FOCAD: variants seen among roughly 807,000 people sequenced by gnomAD.
FOCAD encodes KIAA1797.
In FOCAD, 198 loss-of-function variants were observed where a neutral mutation model predicts 225.6. That is an observed-to-expected ratio of 0.88 (90% CI 0.78 to 0.99). FOCAD has a LOEUF of 0.99. FOCAD is among the 50% of genes least tolerant of loss of function. The pLI is 0.00. For synonymous variants in FOCAD, 897 were observed against 755.0 expected, an observed-to-expected ratio of 1.19 and a Z score of -3.08; for missense variants, 2,713 against 2,123.6, an observed-to-expected ratio of 1.28 and a Z score of -5.46.
intron 41 of FOCAD, among the ~76,000 whole-genome samples, chr9:20,989,606 C>A (rs1252538866): frequency 6.6e-6 from 1 of 152,232 alleles, no homozygotes; most frequent in East Asian, 1.9e-4. Context: ...ATTTCTTGTG[C>A]TCAAGAGTTC....
In FOCAD at chr9:20,986,275, T is replaced by TTTTTTTTTTTTTTTTTTTTTTTTTTTTG. The variant is rs1841154209; in HGVS notation, c.4729-5_4729-4insTTTTTTTTTTTTTTTTTTTGTTTTTTTT. 3 of 1,318,668 alleles carry TTTTTTTTTTTTTTTTTTTTTTTTTTTTG rather than the reference T, an allele frequency of 2.3e-6. 1 individual carries two copies. The highest frequency in any genetic ancestry group is 5.5e-5 in the Admixed American group (2 of 36,194). 81.7% of individuals were successfully genotyped at this position (1,318,668 alleles called of 1,614,324 possible). On this transcript the variant is annotated splice_polypyrimidine_tract_variant and intron_variant, in intron 39 of 43. Coordinates refer to ENST00000338382, the MANE Select transcript of FOCAD (RefSeq NM_001375567.1). ...TAATAGTAACTAAACAATTTTTTTT[T>TTTTTTTTTTTTTTTTTTTTTTTTTTTTG]TTTTTTTTGCAGAGCAACATAGAAA...
At chr9:20,725,762 T>A (rs1394391632) in intron 4 of FOCAD, among the ~76,000 whole-genome samples, 1 of 152,182 alleles carries the variant, frequency 6.6e-6, no homozygotes, top group Non-Finnish European at 1.5e-5. Flanking sequence ...ACATTTGCAA[T>A]GATCTGGTTG....
At chr9:20,713,541 T>G (rs1322878352) in intron 1 of FOCAD, among the ~76,000 whole-genome samples, 3 of 152,202 alleles carry the variant, frequency 2.0e-5, no homozygotes, top group Non-Finnish European at 4.4e-5. Context: ...GCACTTACCA[T>G]CTTCTAACAT....
intron 11 of FOCAD, among the ~76,000 whole-genome samples, chr9:20,799,824 A>G (rs967516621): frequency 1.3e-5 from 2 of 152,086 alleles, no homozygotes; most frequent in Admixed American, 6.5e-5. Context: ...GTGTCTTTTA[A>G]TTGGAGCATT....
chr9:20,761,696 AG>A (rs2130925198), intron 6 of FOCAD, among the ~76,000 whole-genome samples: 1 of 152,252 alleles, frequency 6.6e-6, no homozygotes, highest in South Asian at 2.1e-4. Context: ...CTGGGATTAC[AG>A]GTGTGAGCCA....
intron 6 of FOCAD, among the ~76,000 whole-genome samples, chr9:20,761,480 G>C (rs1829592121): frequency 6.6e-6 from 1 of 152,012 alleles, no homozygotes; most frequent in South Asian, 2.1e-4. Context: ...GAGTGCAGTG[G>C]TGCAATCTCG....
At chr9:20,952,722 G>A (rs1405885459) in intron 34 of FOCAD, among the ~76,000 whole-genome samples, 5 of 151,942 alleles carry the variant, frequency 3.3e-5, no homozygotes, top group South Asian at 2.1e-4. Flanking sequence ...CTTCACTCAA[G>A]TGTTCATCCT....
At chr9:20,866,609 A>G (rs1195446809) in intron 17 of FOCAD, among the ~76,000 whole-genome samples, 2 of 152,024 alleles carry the variant, frequency 1.3e-5, no homozygotes, top group Non-Finnish European at 2.9e-5. Flanking sequence ...TTAATTGGGC[A>G]TATTCTCCAG....
In FOCAD at chr9:20,866,917, T is replaced by TTTTTTTTTTTAAAAAAAAAA; in HGVS notation, c.2107-12_2107-11insTTTTTTTTTTAAAAAAAAAA. 1 of 764,972 alleles carries TTTTTTTTTTTAAAAAAAAAA rather than the reference T, an allele frequency of 1.3e-6. No individual in the cohort carries two copies. The highest frequency in any genetic ancestry group is 2.0e-6 in the Non-Finnish European group (1 of 498,468). The allele number at this position is 764,972 out of a possible 1,614,324, so 47.4% of individuals were successfully genotyped here. A position where few individuals can be genotyped will look rare whatever the true frequency, so the allele number is the denominator to read the frequency against. ...TTTTTTTTTTTTTTTTTTTTTTTTT[T>TTTTTTTTTTTAAAAAAAAAA]ACCCTATCTAGGACCCAATTGTAGC... is the stretch of plus-strand genomic sequence containing the variant. On this transcript the variant is annotated splice_polypyrimidine_tract_variant and intron_variant, in intron 17 of 43. Transcript: ENST00000338382.
At chr9:20,899,464 C>T (rs753802706) in intron 21 of FOCAD, among the ~76,000 whole-genome samples, 70 of 152,052 alleles carry the variant, frequency 4.6e-4, no homozygotes, top group Middle Eastern at 3.4e-3. Context: ...GCCTGTCTGT[C>T]TCTCCAACTT....
At chr9:20,797,935 G>A (rs1821316816) in intron 11 of FOCAD, among the ~76,000 whole-genome samples, 1 of 152,180 alleles carries the variant, frequency 6.6e-6, no homozygotes, top group Admixed American at 6.5e-5. Context: ...GGTTTTCAAA[G>A]GGAATGCTTC....
Position 20,993,306 on chromosome 9 carries a change from A to G in FOCAD, c.5310A>G (p.Ala1770=). The change falls in exon 43 of 44, where the codon GCA becomes GCG. Residue 1770 remains alanine (A), a synonymous_variant. Coordinates refer to ENST00000338382, the MANE Select transcript of FOCAD (RefSeq NM_001375567.1). ...AAAGCCCTAAAGAAGCCCTCTCAGC[A>G]CAGTCCAGGGATCTTTTGAAAGGTA... ...IMESPKEALS[A]QSRDLLKATL... 2 of 1,613,950 alleles carry G rather than the reference A, an allele frequency of 1.2e-6. No individual in the cohort carries two copies. The highest frequency in any genetic ancestry group is 1.7e-6 in the Non-Finnish European group (2 of 1,179,862).
At chr9:20,658,289 G>A (rs375695492), upstream of FOCAD, 2 of 158,928 alleles carry the variant, frequency 1.3e-5, no homozygotes, top group Non-Finnish European at 2.7e-5. Context: ...GCCTCCTTGA[G>A]CTGTGGTGGG....
intron 2 of FOCAD, among the ~76,000 whole-genome samples, chr9:20,664,281 C>T (rs991020827): frequency 1.8e-4 from 26 of 148,274 alleles, no homozygotes; most frequent in African/African-American, 6.2e-4. Context: ...AGTGATCTGA[C>T]ATATTGACTA....
chr9:20,861,586 T>A (rs1032519477), intron 15 of FOCAD, among the ~76,000 whole-genome samples: 3 of 152,208 alleles, frequency 2.0e-5, no homozygotes, highest in South Asian at 2.1e-4. Context: ...CTACTGTCTT[T>A]CCTTTGAGCC....
In FOCAD at chr9:20,857,235, C is replaced by T. The variant is rs374802265; in HGVS notation, c.1921-5343C>T. On this transcript the variant is annotated intron_variant, in intron 15 of 43. Transcript: ENST00000338382. ...CAATTTATGAACATGGAATATCTTT[C>T]AATTTGTTTTTTCTGTGTGTCCTCT... Among the ~76,000 whole-genome samples the T allele has an allele frequency of 5.2e-4, 79 of 151,916 alleles. 5 individuals carry two copies. The South Asian group carries it at 0.015, about 29-fold the overall frequency.
chr9:20,938,115 C>T (rs1437181921), intron 28 of FOCAD, among the ~76,000 whole-genome samples: 1 of 152,178 alleles, frequency 6.6e-6, no homozygotes, highest in Non-Finnish European at 1.5e-5. Context: ...AATAGGAACA[C>T]TTTTACACTG....
At chr9:20,827,590 T>C (rs1201517490) in intron 15 of FOCAD, among the ~76,000 whole-genome samples, 2 of 151,860 alleles carry the variant, frequency 1.3e-5, no homozygotes, top group East Asian at 3.9e-4. Flanking sequence ...TTTGGGACAG[T>C]GTAGATGAAC....
At chr9:20,663,474 A>AACACACACACAC (rs367867901) in intron 2 of FOCAD, among the ~76,000 whole-genome samples, 40 of 149,044 alleles carry the variant, frequency 2.7e-4, no homozygotes, top group African/African-American at 4.7e-4. Flanking sequence ...TGTGTGCATG[A>AACACACACACAC]ACACACACAC....
Sources: allele counts gnomAD v4.1 joint callset (sites outside exome capture counted in the v4.1 genomes callset), GRCh38; gene constraint gnomAD v4.1.1; transcripts MANE v1.5; gene names NCBI Gene and HGNC (gene_info 2026-07-23, HGNC 2026-07-21).